FRMD4B: variants seen among roughly 807,000 people sequenced by gnomAD.
FRMD4B encodes the protein FERM domain containing 4B.
FRMD4B carries 74 observed loss-of-function variants against 141.5 expected under a neutral mutation model. The observed-to-expected ratio is 0.52, with a 90% CI of 0.43 to 0.63. The LOEUF is 0.63. Among genes scored for constraint, FRMD4B ranks in the 30% least tolerant of loss-of-function variants. The pLI is 0.00. For missense variants in FRMD4B, 1,366 were observed against 1,253.4 expected, an observed-to-expected ratio of 1.09 and a Z score of -1.36; for synonymous variants, 506 against 467.9, an observed-to-expected ratio of 1.08 and a Z score of -1.05.
At chr3:69,351,227 C>T (rs770444065) in intron 1 of FRMD4B, among the ~76,000 whole-genome samples, 61 of 152,106 alleles carry the variant, frequency 4.0e-4, no homozygotes, top group Admixed American at 5.9e-4. Context: ...GCTTACTTTT[C>T]CAGTTTAGGA....
chr3:69,386,503 C>T (rs761306746), upstream of FRMD4B, among the ~76,000 whole-genome samples: 3 of 152,124 alleles, frequency 2.0e-5, no homozygotes, highest in Non-Finnish European at 4.4e-5. Flanking sequence ...CGGGGAACAC[C>T]TTACTCATCT....
chr3:69,342,616 A>G (rs1702776034), intron 1 of FRMD4B, among the ~76,000 whole-genome samples: 1 of 152,230 alleles, frequency 6.6e-6, no homozygotes, highest in South Asian at 2.1e-4. Context: ...TCAGTGCCAG[A>G]TGCTAGCTCT....
chr3:69,250,967 T>C (rs79725746), intron 5 of FRMD4B, among the ~76,000 whole-genome samples: 4,728 of 152,168 alleles, frequency 0.031, 242 homozygotes, highest in African/African-American at 0.11. Context: ...TAGGGATGCA[T>C]AGATATGTGC....
rs11925020 is a variant in FRMD4B, at chr3:69,397,232, C to T, written c.-1+35402G>A. 3.0e-3 allele frequency among the ~76,000 whole-genome samples: 453 copies of T among 152,096 alleles called. 4 individuals carry two copies. The highest frequency in any genetic ancestry group is 0.01 in the African/African-American group (427 of 41,496). On this transcript the variant is annotated intron_variant, in intron 2 of 5. Transcript: ENST00000459638. Reference sequence around the variant, plus strand: ...CTACAACATGGATGAATACTGAAAACATAATGTCAAGTAAAAGAAGCCAAA... The same window carrying T: ...CTACAACATGGATGAATACTGAAAATATAATGTCAAGTAAAAGAAGCCAAA...
intron 5 of FRMD4B, among the ~76,000 whole-genome samples, chr3:69,263,112 C>T (rs1262035700): frequency 6.6e-6 from 1 of 151,914 alleles, no homozygotes; most frequent in Non-Finnish European, 1.5e-5. Context: ...TACAAATTAG[C>T]CAGGCATGGT....
In FRMD4B at chr3:69,385,944, C is replaced by T. The variant is rs1358078574; in HGVS notation, c.46G>A (p.Gly16Ser). The T allele has an allele frequency of 1.2e-6, 2 of 1,605,200 alleles. No individual in the cohort carries two copies. The highest frequency in any genetic ancestry group is 2.3e-5 in the East Asian group (1 of 44,442). Residue 16 changes from glycine to serine, a missense_variant, in exon 1 of 23, where the codon GGC becomes AGC. Transcript: ENST00000398540. ...GTCAAGTTCCATACGAAGCGGCTGC[C>T]GCTGAACAGCAGGTCCTCCACGCCA... ...MCGVEDLLFS[G>S]SRFVWNLTVS...
intron 1 of FRMD4B, among the ~76,000 whole-genome samples, chr3:69,495,723 A>G (rs997910776): frequency 2.0e-5 from 3 of 152,244 alleles, no homozygotes; most frequent in Non-Finnish European, 4.4e-5. Context: ...ATATTATTAC[A>G]GCAGCTAGTG....
intron 1 of FRMD4B, among the ~76,000 whole-genome samples, chr3:69,540,696 A>AGTTATT (rs1224403468): frequency 5.7e-5 from 7 of 122,272 alleles, no homozygotes; most frequent in Non-Finnish European, 1.0e-4. Flanking sequence ...CACACACGGC[A>AGTTATT]GTTATTGTTA....
chr3:69,384,723 G>T (rs1398126063), intron 1 of FRMD4B, among the ~76,000 whole-genome samples: 3 of 152,220 alleles, frequency 2.0e-5, no homozygotes, highest in Non-Finnish European at 4.4e-5. Context: ...TTTAACAAGG[G>T]TGACAAGGGG....
Position 69,196,991 on chromosome 3 carries a change from T to C in FRMD4B, c.1001A>G (p.Gln334Arg). The part of the protein sequence containing the change: ...RTFGQSGLFV[Q>R]TWYANSSLIK... ...GAGAGAAGAGTTAGCATACCATGTT[T>C]GCACAAACAAGCCACTTTGCCCAAA... The change falls in exon 13 of 23, where the codon CAA (glutamine) becomes CGA (arginine). Residue 334 changes from glutamine (Q) to arginine (R), a missense_variant. Physicochemically the swap from Gln to Arg is conservative, Grantham distance 43. Coordinates refer to ENST00000398540, the MANE Select transcript of FRMD4B (RefSeq NM_015123.3). 1 of 1,606,946 alleles carries C rather than the reference T, an allele frequency of 6.2e-7. No homozygotes were observed. Among genetic ancestry groups the C allele is most frequent in the Non-Finnish European group, 8.5e-7 (1 of 1,173,400 alleles).
Position 69,196,288 on chromosome 3 carries a change from T to C in FRMD4B, c.1201A>G (p.Ile401Val), listed in dbSNP as rs2092902909. 6.2e-7 allele frequency: 1 copy of C among 1,608,984 alleles called. No individual in the cohort carries two copies. Among genetic ancestry groups the C allele is most frequent in the Non-Finnish European group, 8.5e-7 (1 of 1,178,054 alleles). Residue 401 changes from isoleucine to valine, a missense_variant, in exon 14 of 23, where the codon ATC becomes GTC. By Grantham distance (29) the Ile-to-Val change is conservative (BLOSUM62 3). Coordinates refer to ENST00000398540, the MANE Select transcript of FRMD4B (RefSeq NM_015123.3). The stretch of plus-strand genomic sequence containing the variant: ...ATTAAACTGCCATTACTTGCCATGA[T>C]GAACTGACTTTTCGTCTCCAGTGTC... ...LVTLETKSQF[I>V]MASNGSLISS...
chr3:69,411,709 C>T (rs1055144491), intron 2 of FRMD4B, among the ~76,000 whole-genome samples: 17 of 152,180 alleles, frequency 1.1e-4, no homozygotes, highest in Non-Finnish European at 1.9e-4. Flanking sequence ...TTTACAATAT[C>T]CTGGATAACT....
chr3:69,409,950 T>C (rs1312958275), intron 2 of FRMD4B, among the ~76,000 whole-genome samples: 3 of 152,134 alleles, frequency 2.0e-5, no homozygotes, highest in African/African-American at 7.2e-5. Context: ...GCTCTTATGG[T>C]TTAAGCTGGT....
chr3:69,324,937 A>T (rs1702130107), intron 1 of FRMD4B, among the ~76,000 whole-genome samples: 1 of 151,880 alleles, frequency 6.6e-6, no homozygotes, highest in African/African-American at 2.4e-5. Context: ...TCTACAAAAA[A>T]TTAGCCAGGC....
chr3:69,477,546 G>A (rs1261890260), intron 1 of FRMD4B, among the ~76,000 whole-genome samples: 1 of 151,720 alleles, frequency 6.6e-6, no homozygotes, highest in African/African-American at 2.4e-5. Context: ...GCATCCCAGG[G>A]ATGAAGCCCA....
At chr3:69,301,950 T>C (rs1422386089) in intron 4 of FRMD4B, among the ~76,000 whole-genome samples, 1 of 152,210 alleles carries the variant, frequency 6.6e-6, no homozygotes, top group African/African-American at 2.4e-5. Flanking sequence ...TAGAAAACAT[T>C]ATTGCCACGT....
Position 69,181,707 on chromosome 3 carries a change from G to C in FRMD4B, c.2043C>G (p.Pro681=). The change falls in exon 21 of 23, where the codon CCC becomes CCG. Residue 681 remains proline, a synonymous_variant. Transcript: ENST00000398540. The stretch of plus-strand genomic sequence containing the variant: ...GGCGGCAGTGCTGAGATGAAGATTC[G>C]GGTCTGAAAGAGGAGAAAGGCAAAC... ...RNAYSSSHLE[P]ESSSQHCRQR... 6.2e-7 allele frequency: 1 copy of C among 1,602,484 alleles called. No homozygotes were observed. The highest frequency in any genetic ancestry group is 1.7e-5 in the Admixed American group (1 of 58,068).
At chr3:69,383,885 A>G (rs1704184554) in intron 1 of FRMD4B, among the ~76,000 whole-genome samples, 2 of 152,186 alleles carry the variant, frequency 1.3e-5, no homozygotes, top group South Asian at 4.1e-4. Flanking sequence ...TGCTAGAAAC[A>G]TTCAAATTAT....
intron 2 of FRMD4B, among the ~76,000 whole-genome samples, chr3:69,403,383 A>T (rs1254597445): frequency 6.6e-6 from 1 of 152,196 alleles, no homozygotes; most frequent in Non-Finnish European, 1.5e-5. Context: ...TATTTTCATT[A>T]ACCAAAGGAT....
Sources: allele counts gnomAD v4.1 joint callset (sites outside exome capture counted in the v4.1 genomes callset), GRCh38; gene constraint gnomAD v4.1.1; transcripts MANE v1.5; gene names NCBI Gene and HGNC (gene_info 2026-07-23, HGNC 2026-07-21).